Variants in KCNQ2 observed in about 807,000 individuals in gnomAD.
KCNQ2 encodes the protein potassium voltage-gated channel subfamily Q member 2, also known as potassium voltage-gated channel subfamily KQT member 2.
KCNQ2 carries 14 observed loss-of-function variants against 84.8 expected under a neutral mutation model. The observed-to-expected ratio is 0.17, with a 90% CI of 0.11 to 0.26. The LOEUF is 0.26. Among genes scored for constraint, KCNQ2 ranks in the 10% least tolerant of loss-of-function variants. The pLI is 1.00. For synonymous variants in KCNQ2, 599 were observed against 554.1 expected, an observed-to-expected ratio of 1.08 and a Z score of -1.14; for missense variants, 788 against 1,254.0, an observed-to-expected ratio of 0.63 and a Z score of 5.61.
At chr20:63,443,684 G>A (rs1371507564) in intron 4 of KCNQ2, 2 of 152,324 alleles carry the variant, frequency 1.3e-5, no homozygotes, top group Non-Finnish European at 2.9e-5. Context: ...CTGTCTCCAG[G>A]GATATAGGGG....
At position 63,426,080 on chromosome 20, in the gene KCNQ2, G is replaced by A. The variant is rs560147122; in HGVS notation, c.1218-1874C>T. ...TTCCCCGTTTCCTAAAGGGCAGCTC[G>A]TGTTCACAGCTGAGGAGCGCCACCG... On this transcript the variant is annotated intron_variant, in intron 10 of 16. Transcript: ENST00000359125. 1.1e-3 allele frequency among the ~76,000 whole-genome samples: 175 copies of A among 152,334 alleles called. 1 individual carries two copies. The highest frequency in any genetic ancestry group is 2.1e-3 in the South Asian group (10 of 4,826).
intron 1 of KCNQ2, among the ~76,000 whole-genome samples, chr20:63,454,410 C>A (rs966980380): frequency 6.6e-6 from 1 of 152,220 alleles, no homozygotes; most frequent in Non-Finnish European, 1.5e-5. Context: ...GAGAGACGGA[C>A]GTGCGAGAAG....
chr20:63,446,635 C>G lies in KCNQ2; in HGVS notation c.387+112G>C, dbSNP rs930376317. Reference sequence around the variant, plus strand: ...ACAGGGCACAAAGACATGGCCAGAGCTGGGGCTGGGGGCGTCAGAGGCCCT... The same window carrying G: ...ACAGGGCACAAAGACATGGCCAGAGGTGGGGCTGGGGGCGTCAGAGGCCCT... On this transcript the variant is annotated intron_variant, in intron 2 of 16. Coordinates refer to ENST00000359125, the MANE Select transcript of KCNQ2 (RefSeq NM_172107.4). The surrounding 1 kb of genome is among the most constrained non-coding windows in gnomAD (Gnocchi z 5.5). 2.3e-6 allele frequency: 2 copies of G among 881,662 alleles called. No individual in the cohort carries two copies. Among genetic ancestry groups the G allele is most frequent in the South Asian group, 1.4e-5 (1 of 73,102 alleles). The allele number at this position is 881,662 out of a possible 1,614,324, so 54.6% of individuals were successfully genotyped here. A position where few individuals can be genotyped will look rare whatever the true frequency, so the allele number is the denominator to read the frequency against.
intron 5 of KCNQ2, among the ~76,000 whole-genome samples, chr20:63,440,146 G>A (rs1298328108): frequency 2.0e-5 from 3 of 152,204 alleles, no homozygotes; most frequent in Non-Finnish European, 2.9e-5. Flanking sequence ...GGGGTGGGCA[G>A]GAGGAGGCCA....
rs1051660430 is a variant in KCNQ2 at position 63,404,580 on chromosome 20, G to C, written c.*2064C>G. The C allele has an allele frequency of 6.6e-6, 1 of 152,362 alleles. No homozygotes were observed. Among genetic ancestry groups the C allele is most frequent in the Non-Finnish European group, 1.5e-5 (1 of 68,192 alleles). 9.4% of individuals were successfully genotyped at this position (152,362 alleles called of 1,614,324 possible). On this transcript the variant is annotated 3_prime_UTR_variant, in exon 17 of 17. Transcript: ENST00000359125. ...GCCGGGGCTGGTGCTGCGTTGGGTG[G>C]GACGCACTCATACCCCTGCCTGTGG... is the stretch of plus-strand genomic sequence containing the variant.
chr20:63,419,405 G>C (rs918689539), intron 12 of KCNQ2, among the ~76,000 whole-genome samples: 1 of 152,238 alleles, frequency 6.6e-6, no homozygotes, highest in African/African-American at 2.4e-5. Context: ...ATCGCCTGGC[G>C]TGGGGAGCAA....
chr20:63,415,801 C>T (rs572318258), intron 12 of KCNQ2, among the ~76,000 whole-genome samples: 2 of 152,294 alleles, frequency 1.3e-5, no homozygotes, highest in Admixed American at 6.5e-5. Flanking sequence ...GCCCCGGCCC[C>T]GCCCGTGGTT....
At chr20:63,461,040 A>G (rs952317922) in intron 1 of KCNQ2, 1 of 152,278 alleles carries the variant, frequency 6.6e-6, no homozygotes, top group African/African-American at 2.4e-5. Flanking sequence ...AGGCGGGCGC[A>G]GACACCTGGA....
rs780592033 is a variant in KCNQ2 at position 63,445,382 on chromosome 20, T to C, written c.388-18A>G. ...ACGATTTCCTGCAGGGGAGGAAAGC[T>C]GAGGCCACCTTGAGGCCTGGGGGAG... On this transcript the variant is annotated intron_variant, in intron 2 of 16. Transcript: ENST00000359125. The C allele has an allele frequency of 6.2e-7, 1 of 1,612,810 alleles. No homozygotes were observed. The highest frequency in any genetic ancestry group is 1.7e-5 in the Admixed American group (1 of 60,008).
Position 63,425,544 on chromosome 20 carries a change from AC to A in KCNQ2, c.1218-1339del, listed in dbSNP as rs1336832130. On this transcript the variant is annotated intron_variant, in intron 10 of 16. Transcript: ENST00000359125. The surrounding 1 kb of genome is among the most constrained non-coding windows in gnomAD (Gnocchi z 5.5). ...AGACCAGCCTGACCAACATGGTGAA[AC>A]CCCGTCTCTACTAAAAATACAAAAA... Among the ~76,000 whole-genome samples, 4 of 152,022 alleles carry A rather than the reference AC, an allele frequency of 2.6e-5. No homozygotes were observed. The highest frequency in any genetic ancestry group is 9.7e-5 in the African/African-American group (4 of 41,376).
chr20:63,429,844 G>C (rs562841196), intron 9 of KCNQ2, among the ~76,000 whole-genome samples: 2 of 152,180 alleles, frequency 1.3e-5, no homozygotes, highest in Middle Eastern at 6.3e-3. Context: ...TGGTAAAGCC[G>C]TGCCTGGCCC....
chr20:63,439,838 G>A (rs1029351008), intron 5 of KCNQ2, 130 bp from the exon 6 acceptor site: 15 of 740,604 alleles, frequency 2.0e-5, no homozygotes, highest in Middle Eastern at 2.9e-4. Context: ...CCATCCACAC[G>A]GAGGCCCAGT....
At chr20:63,430,497 C>T (rs1363454802) in intron 9 of KCNQ2, among the ~76,000 whole-genome samples, 1 of 152,114 alleles carries the variant, frequency 6.6e-6, no homozygotes, top group Non-Finnish European at 1.5e-5. Context: ...CTGGAGGAGT[C>T]ATCAAGGGCT....
chr20:63,411,810 C>T lies in KCNQ2; in HGVS notation c.1763+1640G>A, dbSNP rs1221699349. On this transcript the variant is annotated intron_variant, in intron 15 of 16. Transcript: ENST00000359125. ...ACTGGGGTGACTCTCTCGGAGGGGC[C>T]GTGGGTCCTTTGGTGGGGTACTTCT... 1.0e-5 allele frequency: 7 copies of T among 676,036 alleles called. No individual in the cohort carries two copies. Among genetic ancestry groups the T allele is most frequent in the Admixed American group, 4.8e-5 (2 of 41,730 alleles). The allele number at this position is 676,036 out of a possible 1,614,324, so 41.9% of individuals were successfully genotyped here.
chr20:63,440,625 G>A (rs769069829), intron 5 of KCNQ2, among the ~76,000 whole-genome samples: 8 of 152,216 alleles, frequency 5.3e-5, no homozygotes, highest in African/African-American at 1.2e-4. Context: ...CAGCAGGGCC[G>A]GGAAGGGGAG....
At chr20:63,444,225 C>G (rs2081346645) in intron 4 of KCNQ2, among the ~76,000 whole-genome samples, 1 of 152,220 alleles carries the variant, frequency 6.6e-6, no homozygotes, top group South Asian at 2.1e-4. Context: ...GCATGTGTGG[C>G]CACAGCCACC....
intron 4 of KCNQ2, among the ~76,000 whole-genome samples, 155 bp from the exon 5 acceptor site, chr20:63,442,686 T>TCACCACCACCAC (rs1568933748): frequency 5.8e-5 from 1 of 17,148 alleles, no homozygotes. Context: ...ACCACCACCA[T>TCACCACCACCAC]CACCATCACC....
At chr20:63,469,730 C>T (rs1436100182) in intron 1 of KCNQ2, among the ~76,000 whole-genome samples, 1 of 152,284 alleles carries the variant, frequency 6.6e-6, no homozygotes, top group Non-Finnish European at 1.5e-5. Context: ...CCAGGCCCAA[C>T]TGAGCTCCGT....
intron 4 of KCNQ2, chr20:63,443,490 T>TCATCACCAC (rs2081321135): frequency 2.0e-5 from 1 of 50,756 alleles, no homozygotes; most frequent in Non-Finnish European, 4.1e-5. Context: ...ACCACCACCA[T>TCATCACCAC]CACCATCACC....
Sources: allele counts gnomAD v4.1 joint callset (sites outside exome capture counted in the v4.1 genomes callset), GRCh38; gene constraint gnomAD v4.1.1; non-coding constraint Gnocchi (gnomAD v3.1); transcripts MANE v1.5; gene names NCBI Gene and HGNC (gene_info 2026-07-23, HGNC 2026-07-21).